Variants in SORCS3 observed in about 807,000 individuals in gnomAD.
SORCS3 encodes the protein sortilin related VPS10 domain containing receptor 3, also known as VPS10 domain-containing receptor SorCS3.
SORCS3 carries 57 observed loss-of-function variants against 146.3 expected under a neutral mutation model. That is an observed-to-expected ratio of 0.39 (90% confidence interval 0.31 to 0.49). The LOEUF (loss-of-function observed/expected upper bound fraction) is 0.49. Ranked by LOEUF, SORCS3 falls within the 20% of genes least tolerant of loss-of-function variation. The probability of loss-of-function intolerance (pLI) is 0.92; values close to 1 mark genes in which losing one functional copy is unlikely to be tolerated. For synonymous variants in SORCS3, 653 were observed against 618.5 expected (o/e 1.06, Z -0.83); for missense variants, 1,341 against 1,575.5 (o/e 0.85, Z 2.52).
At chr10:105,011,558 T>A (rs1341075936) in intron 4 of SORCS3, among the ~76,000 whole-genome samples, 1 of 152,074 alleles carries the variant, frequency 6.6e-6, no homozygotes. Context: ...CAGTTATTTA[T>A]CTTAATTGCG....
In SORCS3 at chr10:104,710,427, C is replaced by T. The variant is rs536699778; in HGVS notation, c.627+68473C>T. Among the ~76,000 whole-genome samples the T allele has an allele frequency of 1.1e-4, 17 of 152,214 alleles. No individual in the cohort carries two copies. In the East Asian group the frequency reaches 2.3e-3, roughly 21 times the overall value. On this transcript the variant is annotated intron_variant, in intron 1 of 26. Coordinates refer to ENST00000369701, the MANE Select transcript of SORCS3 (RefSeq NM_014978.3). The stretch of plus-strand genomic sequence containing the variant: ...TGTTCTGGCTCAGTAGTGAAAAAAA[C>T]GGGCAAGTCTCTTTGCTGTTCTCTC...
intron 2 of SORCS3, among the ~76,000 whole-genome samples, chr10:104,898,319 C>T (rs1300696756): frequency 2.0e-5 from 3 of 152,166 alleles, no homozygotes; most frequent in African/African-American, 4.8e-5. Flanking sequence ...AGAATAGTGT[C>T]AGGCAAGTTA....
intron 2 of SORCS3, among the ~76,000 whole-genome samples, chr10:104,911,265 C>G (rs993301572): frequency 6.6e-6 from 1 of 152,184 alleles, no homozygotes; most frequent in African/African-American, 2.4e-5. Flanking sequence ...TCCATAGGCT[C>G]CCAGGCTCCC....
At chr10:105,260,291 C>G (rs1027273043) in intron 25 of SORCS3, among the ~76,000 whole-genome samples, 6 of 152,118 alleles carry the variant, frequency 3.9e-5, no homozygotes, top group Non-Finnish European at 1.5e-5. Context: ...TTTAACCACC[C>G]CCAGACCTAA....
chr10:104,860,664 A>G (rs955197783), intron 2 of SORCS3, among the ~76,000 whole-genome samples: 3 of 152,214 alleles, frequency 2.0e-5, no homozygotes, highest in Non-Finnish European at 4.4e-5. Context: ...TGTGCCGGAC[A>G]ATGATCGAAG....
At chr10:104,946,370 C>A (rs1264651333) in intron 3 of SORCS3, among the ~76,000 whole-genome samples, 2 of 152,158 alleles carry the variant, frequency 1.3e-5, no homozygotes, top group Non-Finnish European at 2.9e-5. Flanking sequence ...CAGTGAGTCC[C>A]AGCAGATTGC....
intron 7 of SORCS3, among the ~76,000 whole-genome samples, chr10:105,119,593 C>G (rs2055917141): frequency 6.6e-6 from 1 of 152,172 alleles, no homozygotes; most frequent in African/African-American, 2.4e-5. Flanking sequence ...GCCACAGGGG[C>G]AGAGCTACCC....
chr10:104,781,447 G>A (rs1475488100), intron 1 of SORCS3, among the ~76,000 whole-genome samples: 1 of 152,206 alleles, frequency 6.6e-6, no homozygotes. Context: ...CAGAGGTTGA[G>A]TGCATGAGGT....
chr10:104,975,479 T>C (rs1370678827), intron 3 of SORCS3, among the ~76,000 whole-genome samples: 1 of 152,132 alleles, frequency 6.6e-6, no homozygotes, highest in Non-Finnish European at 1.5e-5. Flanking sequence ...AAAATGGCCA[T>C]ACTGCCCAAG....
At position 104,645,807 on chromosome 10, in the gene SORCS3, A is replaced by T. The variant is rs139151038; in HGVS notation, c.627+3853A>T. ...AATATTTACTCCTAATGTGCAAAAT[A>T]GTGACAGATTTGATCAGATTAATTG... On this transcript the variant is annotated intron_variant, in intron 1 of 26. Transcript: ENST00000369701. Among the ~76,000 whole-genome samples the T allele has an allele frequency of 1.1e-4, 16 of 152,298 alleles. 1 individual carries two copies. In the East Asian group the frequency reaches 2.9e-3, roughly 28 times the overall value.
chr10:105,135,697 CT>C (rs2056054299), intron 7 of SORCS3, among the ~76,000 whole-genome samples: 1 of 152,168 alleles, frequency 6.6e-6, no homozygotes, highest in African/African-American at 2.4e-5. Context: ...TCCAGATATC[CT>C]TGTACACCGC....
intron 1 of SORCS3, among the ~76,000 whole-genome samples, chr10:104,685,766 CAT>C (rs1321020402): frequency 2.6e-5 from 4 of 152,186 alleles, no homozygotes; most frequent in African/African-American, 9.7e-5. Context: ...GCAGGACTAT[CAT>C]GTGCATTGTA....
At chr10:104,950,085 G>T (rs1443854000) in intron 3 of SORCS3, among the ~76,000 whole-genome samples, 1 of 152,176 alleles carries the variant, frequency 6.6e-6, no homozygotes. Context: ...ATAAGATGAG[G>T]TTGTGCAAAA....
intron 1 of SORCS3, among the ~76,000 whole-genome samples, chr10:104,801,649 C>G (rs1338349660): frequency 6.6e-6 from 1 of 152,004 alleles, no homozygotes; most frequent in Non-Finnish European, 1.5e-5. Flanking sequence ...AGATATGGAT[C>G]TGTTGCTGAC....
intron 1 of SORCS3, among the ~76,000 whole-genome samples, chr10:104,725,315 C>T (rs899633170): frequency 5.9e-5 from 9 of 152,210 alleles, no homozygotes; most frequent in Non-Finnish European, 1.2e-4. Context: ...GCAAATGTTG[C>T]TGCCTGATCA....
intron 20 of SORCS3, among the ~76,000 whole-genome samples, chr10:105,242,504 A>ATATATATTTATATACATT (rs2056834628): frequency 4.6e-5 from 4 of 87,348 alleles, no homozygotes; most frequent in Admixed American, 1.7e-4. Flanking sequence ...ATATATATTT[A>ATATATATTTATATACATT]TATATATTTA....
At chr10:104,891,705 T>A (rs1435863385) in intron 2 of SORCS3, among the ~76,000 whole-genome samples, 2 of 152,210 alleles carry the variant, frequency 1.3e-5, no homozygotes, top group Non-Finnish European at 2.9e-5. Flanking sequence ...TACTCCCTCT[T>A]GTCCAGAATC....
intron 1 of SORCS3, among the ~76,000 whole-genome samples, chr10:104,668,107 C>T (rs1373198346): frequency 6.6e-6 from 1 of 152,172 alleles, no homozygotes; most frequent in Non-Finnish European, 1.5e-5. Flanking sequence ...CAGATGAGCA[C>T]CTTGCTGGTT....
intron 8 of SORCS3, among the ~76,000 whole-genome samples, chr10:105,142,269 G>A (rs1209164173): frequency 6.6e-6 from 1 of 152,086 alleles, no homozygotes; most frequent in Non-Finnish European, 1.5e-5. Flanking sequence ...CCTGAGCCTT[G>A]TGCTCCTGGA....
Sources: gnomAD v4.1 joint callset for allele counts (sites outside exome capture counted in the v4.1 genomes callset) on GRCh38, gnomAD v4.1.1 for gene constraint, MANE v1.5 for transcripts, NCBI Gene and HGNC (gene_info 2026-07-23, HGNC 2026-07-21) for gene names.